UTS2B: variants seen among roughly 807,000 people sequenced by gnomAD.
The protein encoded by UTS2B is urotensin-2B.
Under a neutral mutation model 19.2 loss-of-function variants are expected in UTS2B, and 21 were observed. The observed-to-expected ratio is 1.09, with a 90% CI of 0.78 to 1.58. The LOEUF is 1.58. UTS2B is among the 40% of genes most tolerant of loss of function. The pLI is 0.00. For missense variants in UTS2B, 138 were observed against 130.3 expected (o/e 1.06, Z -0.29); for synonymous variants, 57 against 50.2 (o/e 1.14, Z -0.58).
intron 1 of UTS2B, chr3:191,329,663 C>T (rs957623518): frequency 3.7e-6 from 6 of 1,607,286 alleles, no homozygotes; most frequent in Non-Finnish European, 2.5e-6. Context: ...GCAACCGGGA[C>T]CCTGGCCCGG....
intron 8 of UTS2B, among the ~76,000 whole-genome samples, chr3:191,274,422 T>C (rs1320663276): frequency 1.3e-5 from 2 of 152,220 alleles, no homozygotes; most frequent in Admixed American, 6.5e-5. Context: ...TGAAGATTAT[T>C]ATCATTATCC....
upstream of UTS2B, among the ~76,000 whole-genome samples, chr3:191,334,318 T>C (rs1718076007): frequency 6.6e-6 from 1 of 152,220 alleles, no homozygotes; most frequent in South Asian, 2.1e-4. Flanking sequence ...TATTGCCATA[T>C]GTAGACTTGC....
chr3:191,302,526 A>C (rs1261837324), intron 4 of UTS2B, among the ~76,000 whole-genome samples: 6 of 152,160 alleles, frequency 3.9e-5, no homozygotes, highest in Non-Finnish European at 7.4e-5. Context: ...AAAGCCATGG[A>C]CCCATGTGGC....
At chr3:191,340,992 A>AT in the UTS2B span, among the ~76,000 whole-genome samples, 23,327 of 145,880 alleles carry the variant, frequency 0.16, 2,690 homozygotes, top group African/African-American at 0.33. Flanking sequence ...CAGCTAATTA[A>AT]TTTTTTTTTT....
intron 4 of UTS2B, among the ~76,000 whole-genome samples, chr3:191,296,112 C>T (rs924706142): frequency 1.3e-5 from 2 of 152,204 alleles, no homozygotes; most frequent in South Asian, 4.2e-4. Context: ...CCTTCACCCA[C>T]CTCTCAATCT....
intron 4 of UTS2B, 134 bp from the exon 5 acceptor site, chr3:191,282,447 A>T: frequency 2.8e-6 from 1 of 358,186 alleles, no homozygotes; most frequent in African/African-American, 2.1e-5. Flanking sequence ...CAATCAATAC[A>T]TCTCATACCC....
intron 4 of UTS2B, among the ~76,000 whole-genome samples, chr3:191,296,794 C>A (rs1323956987): frequency 1.3e-5 from 2 of 152,150 alleles, no homozygotes; most frequent in African/African-American, 2.4e-5. Flanking sequence ...AATTTCAAAT[C>A]CAGAATCTCA....
chr3:191,292,546 A>G (rs1350779424), intron 4 of UTS2B, among the ~76,000 whole-genome samples: 1 of 151,904 alleles, frequency 6.6e-6, no homozygotes, highest in Admixed American at 6.6e-5. Context: ...CTGTTTATTT[A>G]TTTTTTCATA....
chr3:191,291,075 TC>T (rs1716700146), intron 4 of UTS2B, among the ~76,000 whole-genome samples: 1 of 152,180 alleles, frequency 6.6e-6, no homozygotes, highest in Non-Finnish European at 1.5e-5. Context: ...GTTCTTTTTT[TC>T]ATTTAAAAGA....
chr3:191,275,450 G>T, intron 7 of UTS2B, 105 bp from the exon 8 acceptor site: 1 of 813,840 alleles, frequency 1.2e-6, no homozygotes, highest in Non-Finnish European at 2.0e-6. Context: ...GGAGGCCGAG[G>T]CAGGCAGGTC....
intron 4 of UTS2B, among the ~76,000 whole-genome samples, chr3:191,288,164 T>C (rs912961455): frequency 6.6e-6 from 1 of 152,166 alleles, no homozygotes; most frequent in Admixed American, 6.5e-5. Context: ...TTTCATGAAT[T>C]AGAATAATTA....
In UTS2B at chr3:191,269,912, G is replaced by A. The variant is rs377703780; in HGVS notation, c.335-1471C>T. Among the ~76,000 whole-genome samples, 12 of 152,268 alleles carry A rather than the reference G, an allele frequency of 7.9e-5. No homozygotes were observed. In the East Asian group the frequency reaches 1.5e-3, roughly 20 times the overall value. On this transcript the variant is annotated intron_variant, in intron 8 of 8. Coordinates refer to ENST00000340524, the MANE Select transcript of UTS2B (RefSeq NM_198152.5). ...GAGCCAATTCCCCAATGTTTATAGC[G>A]TACACCATTCATCATTTACATAAAG...
At chr3:191,321,322 T>C (rs1717605465) in intron 2 of UTS2B, among the ~76,000 whole-genome samples, 1 of 152,124 alleles carries the variant, frequency 6.6e-6, no homozygotes, top group East Asian at 1.9e-4. Flanking sequence ...CTAAAGGAAG[T>C]TTTAGTAAGA....
chr3:191,340,816 A>T, the UTS2B span, among the ~76,000 whole-genome samples: 1 of 152,128 alleles, frequency 6.6e-6, no homozygotes, highest in Non-Finnish European at 1.5e-5. Flanking sequence ...ATTCCTTGCC[A>T]GGAAACATTG....
chr3:191,341,395 A>C, the UTS2B span, among the ~76,000 whole-genome samples: 1 of 152,220 alleles, frequency 6.6e-6, no homozygotes, highest in Admixed American at 6.5e-5. Flanking sequence ...AGGTTCAAAG[A>C]AATTAAGTAC....
chr3:191,340,478 G>A, the UTS2B span, among the ~76,000 whole-genome samples: 1 of 152,194 alleles, frequency 6.6e-6, no homozygotes, highest in Admixed American at 6.5e-5. Context: ...GTTTTAATCT[G>A]CATGTTAATA....
chr3:191,305,835 T>A (rs992377576), intron 3 of UTS2B, among the ~76,000 whole-genome samples: 4 of 152,216 alleles, frequency 2.6e-5, no homozygotes, highest in African/African-American at 9.6e-5. Flanking sequence ...TGAGTTAATT[T>A]TTGTGTACGC....
chr3:191,292,143 A>G (rs1035276803), intron 4 of UTS2B, among the ~76,000 whole-genome samples: 2 of 149,972 alleles, frequency 1.3e-5, no homozygotes, highest in African/African-American at 2.4e-5. Flanking sequence ...AGGTTGCAGG[A>G]GGGAAGCTAA....
chr3:191,325,282 A>G (rs6444539), intron 2 of UTS2B, among the ~76,000 whole-genome samples: 40,904 of 151,938 alleles, frequency 0.27, 7,115 homozygotes, highest in African/African-American at 0.48. Context: ...GCTTTAAAGA[A>G]GTTGAAAATA....
Sources: gnomAD v4.1 joint callset for allele counts (sites outside exome capture counted in the v4.1 genomes callset) on GRCh38, gnomAD v4.1.1 for gene constraint, MANE v1.5 for transcripts, NCBI Gene and HGNC (gene_info 2026-07-23, HGNC 2026-07-21) for gene names.